The following ZFAND3 variants were observed in gnomAD, a reference collection of about 807,000 sequenced individuals.
ZFAND3 encodes AN1-type zinc finger protein 3.
Under a neutral mutation model 29.6 loss-of-function variants are expected in ZFAND3, and 10 were observed. That is an observed-to-expected ratio of 0.34 (90% CI 0.21 to 0.57). The LOEUF is 0.57. ZFAND3 is among the 20% of genes least tolerant of loss of function. The pLI is 0.86. For missense variants in ZFAND3, 230 were observed against 304.5 expected (o/e 0.76, Z 1.82); for synonymous variants, 128 against 112.6 (o/e 1.14, Z -0.87).
At chr6:37,851,873 A>G (rs1327313714) in intron 1 of ZFAND3, among the ~76,000 whole-genome samples, 1 of 152,242 alleles carries the variant, frequency 6.6e-6, no homozygotes, top group Non-Finnish European at 1.5e-5. Context: ...GAGCTCCCTC[A>G]GTAGCTCAAT....
At chr6:38,112,939 A>G (rs749615871) in intron 4 of ZFAND3, among the ~76,000 whole-genome samples, 4 of 152,174 alleles carry the variant, frequency 2.6e-5, no homozygotes, top group Non-Finnish European at 4.4e-5. Context: ...ATGCCGGAGA[A>G]TGGTTTGCTT....
intron 2 of ZFAND3, among the ~76,000 whole-genome samples, chr6:38,046,375 C>T (rs1271297473): frequency 6.6e-6 from 1 of 152,194 alleles, no homozygotes; most frequent in Non-Finnish European, 1.5e-5. Flanking sequence ...GAATGGATAA[C>T]TTCTGCCTCT....
At chr6:38,056,259 T>G (rs957790857) in intron 2 of ZFAND3, among the ~76,000 whole-genome samples, 1 of 152,192 alleles carries the variant, frequency 6.6e-6, no homozygotes, top group Non-Finnish European at 1.5e-5. Context: ...ATCACCCATT[T>G]ATATTTGACA....
intron 1 of ZFAND3, among the ~76,000 whole-genome samples, chr6:37,916,551 T>A (rs1318387816): frequency 2.0e-5 from 3 of 152,090 alleles, no homozygotes; most frequent in Non-Finnish European, 4.4e-5. Context: ...TCCCAGCTAC[T>A]CAGGAGGCTG....
At chr6:37,963,365 C>G (rs1762233624) in intron 2 of ZFAND3, among the ~76,000 whole-genome samples, 1 of 152,172 alleles carries the variant, frequency 6.6e-6, no homozygotes, top group Admixed American at 6.5e-5. Context: ...GAGGGAAGTT[C>G]ATAGCTATTA....
At chr6:38,138,430 A>T (rs201761328) in intron 5 of ZFAND3, among the ~76,000 whole-genome samples, 10 of 146,124 alleles carry the variant, frequency 6.8e-5, no homozygotes, top group African/African-American at 1.5e-4. Flanking sequence ...TTTTTTTTTT[A>T]AATCCAGAAG....
At position 37,855,145 on chromosome 6, in the gene ZFAND3, A is replaced by AT. The variant is rs1181032862; in HGVS notation, c.71+35146dup. Among the ~76,000 whole-genome samples the AT allele has an allele frequency of 8.0e-3, 1,068 of 133,022 alleles. 6 individuals carry two copies. Among genetic ancestry groups the AT allele is most frequent in the Middle Eastern group, 0.015 (4 of 262 alleles). 87.3% of individuals were successfully genotyped at this position (133,022 alleles called of 152,430 possible). On this transcript the variant is annotated intron_variant, in intron 1 of 5. Transcript: ENST00000287218. Reference sequence around the variant, plus strand: ...TCATTTTGGATTTTGTGGCAATTTAATTTTTTTTTTTTTTTTTGAGACAGA... The same window carrying AT: ...TCATTTTGGATTTTGTGGCAATTTAATTTTTTTTTTTTTTTTTTGAGACAGA...
chr6:37,900,964 G>T (rs1248621896), intron 1 of ZFAND3, among the ~76,000 whole-genome samples: 2 of 152,122 alleles, frequency 1.3e-5, no homozygotes, highest in Non-Finnish European at 2.9e-5. Flanking sequence ...GGAACTGAGT[G>T]TGTGAAAGAC....
intron 1 of ZFAND3, among the ~76,000 whole-genome samples, chr6:37,832,457 C>T (rs1763880144): frequency 6.6e-6 from 1 of 152,054 alleles, no homozygotes; most frequent in Non-Finnish European, 1.5e-5. Flanking sequence ...CTAGTAGTGC[C>T]CTCTGTCAGT....
chr6:38,085,191 A>G (rs1338259943), intron 4 of ZFAND3, among the ~76,000 whole-genome samples: 1 of 152,216 alleles, frequency 6.6e-6, no homozygotes, highest in African/African-American at 2.4e-5. Context: ...ATTCATATCT[A>G]TGACATGTGC....
At chr6:37,928,952 C>A (rs1373441923) in intron 1 of ZFAND3, among the ~76,000 whole-genome samples, 2 of 152,110 alleles carry the variant, frequency 1.3e-5, no homozygotes, top group Non-Finnish European at 1.5e-5. Flanking sequence ...TTCTGTAGTT[C>A]CTAGCTTTGT....
intron 1 of ZFAND3, among the ~76,000 whole-genome samples, chr6:37,869,227 C>T (rs1581722038): frequency 6.6e-6 from 1 of 152,188 alleles, no homozygotes; most frequent in Non-Finnish European, 1.5e-5. Flanking sequence ...GTGGCACGAT[C>T]TTGGCTCACT....
At chr6:37,879,929 G>T (rs955487736) in intron 1 of ZFAND3, among the ~76,000 whole-genome samples, 16 of 152,124 alleles carry the variant, frequency 1.1e-4, no homozygotes, top group African/African-American at 3.9e-4. Context: ...TAACCACCTG[G>T]CTGTATTCTA....
chr6:37,839,220 G>A (rs1039351472), intron 1 of ZFAND3, among the ~76,000 whole-genome samples: 3 of 148,780 alleles, frequency 2.0e-5, no homozygotes, highest in Admixed American at 6.7e-5. Flanking sequence ...TTACTCTGTC[G>A]CCCAGGCTGG....
At chr6:38,010,140 C>G (rs1561964885) in intron 2 of ZFAND3, among the ~76,000 whole-genome samples, 1 of 152,202 alleles carries the variant, frequency 6.6e-6, no homozygotes, top group Non-Finnish European at 1.5e-5. Context: ...TATTCCAGCT[C>G]AGGGTGCCAG....
chr6:37,944,167 TATA>T, intron 2 of ZFAND3, among the ~76,000 whole-genome samples: 1 of 152,324 alleles, frequency 6.6e-6, no homozygotes, highest in African/African-American at 2.4e-5. Flanking sequence ...ATGTGTTGAT[TATA>T]ATTTTTAATT....
intron 2 of ZFAND3, among the ~76,000 whole-genome samples, chr6:37,935,446 G>A (rs1761681031): frequency 6.6e-6 from 1 of 152,062 alleles, no homozygotes. Flanking sequence ...TTATGACATA[G>A]TTATGGCAAA....
chr6:37,957,907 A>G (rs1762111654), intron 2 of ZFAND3, among the ~76,000 whole-genome samples: 1 of 152,164 alleles, frequency 6.6e-6, no homozygotes, highest in Non-Finnish European at 1.5e-5. Context: ...TGTGACATAT[A>G]GGGTGTTATG....
chr6:38,041,627 A>T (rs200617738), intron 2 of ZFAND3, among the ~76,000 whole-genome samples: 1,871 of 66,358 alleles, frequency 0.028, 198 homozygotes, highest in African/African-American at 0.039. Flanking sequence ...TTTTTTATCT[A>T]CTTTTTCTTC....
Sources: allele counts gnomAD v4.1 joint callset (sites outside exome capture counted in the v4.1 genomes callset), GRCh38; gene constraint gnomAD v4.1.1; transcripts MANE v1.5; gene names NCBI Gene and HGNC (gene_info 2026-07-23, HGNC 2026-07-21).